Variants in ABI2 observed in about 807,000 individuals in gnomAD.
ABI2 encodes the protein abl interactor 2, also known as abelson interactor 2.
ABI2 carries 25 observed loss-of-function variants against 59.2 expected under a neutral mutation model. That is an observed-to-expected ratio of 0.42 (90% confidence interval 0.31 to 0.59). ABI2 has a LOEUF of 0.59. Ranked by LOEUF, ABI2 falls within the 20% of genes least tolerant of loss-of-function variation. The pLI is 0.14. For synonymous variants in ABI2, 213 were observed against 235.5 expected, an observed-to-expected ratio of 0.90 and a Z score of 0.87; for missense variants, 545 against 681.8, an observed-to-expected ratio of 0.80 and a Z score of 2.23.
At position 203,366,957 on chromosome 2, in the gene ABI2, C is replaced by T. The variant is rs760630657; in HGVS notation, c.198C>T (p.Asn66=). 1.2e-6 allele frequency: 2 copies of T among 1,613,884 alleles called. No homozygotes were observed. The highest frequency in any genetic ancestry group is 1.1e-5 in the South Asian group (1 of 91,010). Reference sequence around the variant, plus strand: ...TAGCAAGTGTTGCCTATCTGATAAACACCTTGGCCAACAATGTCCTGCAGA... The same window carrying T: ...TAGCAAGTGTTGCCTATCTGATAAATACCTTGGCCAACAATGTCCTGCAGA... ...QSLASVAYLI[N]TLANNVLQML... Residue 66 remains asparagine (N), a synonymous_variant, in exon 2 of 12, where the codon AAC becomes AAT. Coordinates refer to ENST00000261018, the MANE Select transcript of ABI2 (RefSeq NM_001375670.1).
chr2:203,427,413 G>T lies in ABI2; in HGVS notation c.*61G>T. ...TCAGGTCTTCCCAGATTATCTGAAG[G>T]CCCTGGGGATTCCACTCCAGTAAAG... On this transcript the variant is annotated 3_prime_UTR_variant, in exon 12 of 12. Transcript: ENST00000261018. 1 of 1,443,224 alleles carries T rather than the reference G, an allele frequency of 6.9e-7. No homozygotes were observed. 89.4% of individuals were successfully genotyped at this position (1,443,224 alleles called of 1,614,324 possible). A position where few individuals can be genotyped will look rare whatever the true frequency, so the allele number is the denominator to read the frequency against.
At chr2:203,371,156 T>A (rs1421688432) in intron 2 of ABI2, among the ~76,000 whole-genome samples, 4 of 152,238 alleles carry the variant, frequency 2.6e-5, no homozygotes, top group African/African-American at 9.6e-5. Context: ...TTCTCACAAA[T>A]GAGCTTGATT....
intron 1 of ABI2, among the ~76,000 whole-genome samples, chr2:203,350,578 C>A (rs1262758152): frequency 6.8e-6 from 1 of 148,046 alleles, no homozygotes; most frequent in Middle Eastern, 3.2e-3. Flanking sequence ...CTTAATCTGT[C>A]GCCCAGGCTA....
At chr2:203,373,714 C>G (rs72940141) in intron 2 of ABI2, among the ~76,000 whole-genome samples, 1,708 of 152,082 alleles carry the variant, frequency 0.011, 13 homozygotes, top group Middle Eastern at 0.048. Context: ...ACTTACTGGG[C>G]CAGGTGTTAA....
chr2:203,376,958 G>A (rs1391990775), intron 2 of ABI2, among the ~76,000 whole-genome samples: 1 of 152,070 alleles, frequency 6.6e-6, no homozygotes, highest in African/African-American at 2.4e-5. Context: ...AAATATTACT[G>A]TGTGTTAGTG....
chr2:203,366,609 C>G (rs1366367249), intron 1 of ABI2, among the ~76,000 whole-genome samples: 1 of 152,136 alleles, frequency 6.6e-6, no homozygotes, highest in Admixed American at 6.6e-5. Context: ...TCAAATTGTC[C>G]ATTGGATCTC....
intron 8 of ABI2, among the ~76,000 whole-genome samples, chr2:203,400,952 C>CAAG (rs2097194029): frequency 6.6e-6 from 1 of 152,184 alleles, no homozygotes; most frequent in South Asian, 2.1e-4. Context: ...TTCAACAAAT[C>CAAG]AAGCATTCAT....
chr2:203,361,914 A>C (rs1023281924), intron 1 of ABI2, among the ~76,000 whole-genome samples: 2 of 152,236 alleles, frequency 1.3e-5, no homozygotes, highest in Non-Finnish European at 2.9e-5. Context: ...GAGGAAGGCT[A>C]GTGAAAAATA....
At position 203,348,257 on chromosome 2, in the gene ABI2, A is replaced by T. The variant is rs555997808; in HGVS notation, c.118-18620A>T. 8.9e-4 allele frequency among the ~76,000 whole-genome samples: 136 copies of T among 152,308 alleles called. 1 individual carries two copies. The South Asian group carries it at 0.028, about 32-fold the overall frequency. The stretch of plus-strand genomic sequence containing the variant: ...CTTTGTCTCAAAATAATAATATTTT[A>T]TGTGAAAATAAATGTAATAAAGGTT... On this transcript the variant is annotated intron_variant, in intron 1 of 11. Transcript: ENST00000261018.
intron 6 of ABI2, 128 bp downstream of exon 6, chr2:203,394,974 C>A: frequency 1.0e-6 from 1 of 1,000,258 alleles, no homozygotes; most frequent in Non-Finnish European, 1.5e-6. Flanking sequence ...CAAACCTCAT[C>A]TGATTTCACC....
At chr2:203,404,604 G>C (rs2097352063) in intron 9 of ABI2, among the ~76,000 whole-genome samples, 1 of 152,106 alleles carries the variant, frequency 6.6e-6, no homozygotes, top group East Asian at 1.9e-4. Context: ...TGTCACCCAG[G>C]CTGGAGTGCA....
At chr2:203,380,724 A>G (rs909573590) in intron 3 of ABI2, among the ~76,000 whole-genome samples, 3 of 152,224 alleles carry the variant, frequency 2.0e-5, no homozygotes, top group Admixed American at 1.3e-4. Flanking sequence ...GAAAGTGTTT[A>G]CCTTATCTCA....
chr2:203,344,702 T>C (rs1324296942), intron 1 of ABI2, among the ~76,000 whole-genome samples: 1 of 152,114 alleles, frequency 6.6e-6, no homozygotes, highest in African/African-American at 2.4e-5. Flanking sequence ...GCTAAAGGAT[T>C]GTAAACACAC....
intron 6 of ABI2, among the ~76,000 whole-genome samples, chr2:203,395,451 A>G (rs1175979808): frequency 7.4e-6 from 1 of 134,328 alleles, no homozygotes; most frequent in African/African-American, 3.0e-5. Flanking sequence ...ATATATATAC[A>G]CACACACACA....
At position 203,395,799 on chromosome 2, in the gene ABI2, C is replaced by T; in HGVS notation, c.850+19C>T. On this transcript the variant is annotated intron_variant, in intron 7 of 11. Transcript: ENST00000261018. Reference sequence around the variant, plus strand: ...TTTCCAGGTAAAACATTCATGGTGCCTCGTCTTCACTTTTCCTTTCTGAAT... The same window carrying T: ...TTTCCAGGTAAAACATTCATGGTGCTTCGTCTTCACTTTTCCTTTCTGAAT... 1.9e-6 allele frequency: 3 copies of T among 1,555,756 alleles called. No individual in the cohort carries two copies. Among genetic ancestry groups the T allele is most frequent in the Non-Finnish European group, 1.7e-6 (2 of 1,149,558 alleles).
At chr2:203,350,864 G>A (rs200393851) in intron 1 of ABI2, among the ~76,000 whole-genome samples, 1 of 49,336 alleles carries the variant, frequency 2.0e-5, no homozygotes, top group Non-Finnish European at 4.4e-5. Flanking sequence ...TGTGTGTTTT[G>A]TGTGTGTGTG....
At chr2:203,333,110 G>A (rs2074689582) in intron 1 of ABI2, among the ~76,000 whole-genome samples, 1 of 152,048 alleles carries the variant, frequency 6.6e-6, no homozygotes, top group Admixed American at 6.6e-5. Context: ...TTATCAGTCA[G>A]TTTCATCAAA....
At chr2:203,387,288 G>A (rs895781945) in intron 4 of ABI2, among the ~76,000 whole-genome samples, 1 of 152,138 alleles carries the variant, frequency 6.6e-6, no homozygotes, top group African/African-American at 2.4e-5. Context: ...TATTATATCA[G>A]TATTCAAGGA....
At chr2:203,360,436 GAGA>G (rs1416430482) in intron 1 of ABI2, among the ~76,000 whole-genome samples, 1 of 152,124 alleles carries the variant, frequency 6.6e-6, no homozygotes, top group Non-Finnish European at 1.5e-5. Context: ...AGCTGGAAAG[GAGA>G]AATGGGATAT....
Sources: allele counts gnomAD v4.1 joint callset (sites outside exome capture counted in the v4.1 genomes callset), GRCh38; gene constraint gnomAD v4.1.1; transcripts MANE v1.5; gene names NCBI Gene and HGNC (gene_info 2026-07-23, HGNC 2026-07-21).